The following CLSTN2 variants were observed in gnomAD, a reference collection of about 807,000 sequenced individuals.
CLSTN2 encodes the protein calsyntenin 2, also known as calsyntenin-2.
Under a neutral mutation model 101.2 loss-of-function variants are expected in CLSTN2, and 48 were observed. The ratio of observed to expected loss-of-function variants is 0.47; its 90% CI spans 0.38 to 0.60. The LOEUF (loss-of-function observed/expected upper bound fraction) is 0.60. Ranked by LOEUF, CLSTN2 falls within the 20% of genes least tolerant of loss-of-function variation. CLSTN2 has a pLI of 0.00. For synonymous variants in CLSTN2, 481 were observed against 463.6 expected (o/e 1.04, Z -0.48); for missense variants, 1,160 against 1,238.2 (o/e 0.94, Z 0.95).
rs1028335342 is a variant in CLSTN2, at chr3:140,211,319, G to T, written c.232+35246G>T. 2.7e-5 allele frequency among the ~76,000 whole-genome samples: 4 copies of T among 149,740 alleles called. No individual in the cohort carries two copies. The South Asian group carries it at 6.5e-4, about 24-fold the overall frequency. On this transcript the variant is annotated intron_variant, in intron 2 of 16. Transcript: ENST00000458420. ...CATTCCAGGGTGAATGGTTGGCAGGGATGAGTAATCAGTTCTCAATTCTCC... is the reference window on the plus strand; with the variant it reads ...CATTCCAGGGTGAATGGTTGGCAGGTATGAGTAATCAGTTCTCAATTCTCC...
intron 1 of CLSTN2, among the ~76,000 whole-genome samples, chr3:139,956,832 C>A (rs1370052435): frequency 6.6e-6 from 1 of 152,060 alleles, no homozygotes; most frequent in Non-Finnish European, 1.5e-5. Flanking sequence ...TGGTATGCAT[C>A]CTTTTGCCTC....
At chr3:140,287,037 C>G (rs2107900428) in intron 2 of CLSTN2, among the ~76,000 whole-genome samples, 1 of 152,240 alleles carries the variant, frequency 6.6e-6, no homozygotes, top group East Asian at 1.9e-4. Context: ...GCTCAAGGGT[C>G]AGCATCATGC....
chr3:140,427,142 C>T (rs1213716672), intron 5 of CLSTN2, among the ~76,000 whole-genome samples: 2 of 138,182 alleles, frequency 1.4e-5, no homozygotes, highest in Non-Finnish European at 3.0e-5. Flanking sequence ...CGCCACTGCA[C>T]TCCTGCCTGG....
At chr3:139,995,737 C>T (rs1936192710) in intron 1 of CLSTN2, among the ~76,000 whole-genome samples, 4 of 150,894 alleles carry the variant, frequency 2.7e-5, no homozygotes, top group African/African-American at 7.3e-5. Context: ...GCCATCTGTG[C>T]TCAGGGGTAA....
intron 1 of CLSTN2, among the ~76,000 whole-genome samples, chr3:140,116,918 T>A (rs192095612): frequency 6.6e-6 from 1 of 152,308 alleles, no homozygotes; most frequent in Admixed American, 6.5e-5. Flanking sequence ...GGCTCTAGTT[T>A]CCAGAATGTA....
At chr3:140,177,514 A>G (rs1236538846) in intron 2 of CLSTN2, among the ~76,000 whole-genome samples, 2 of 152,116 alleles carry the variant, frequency 1.3e-5, no homozygotes, top group Non-Finnish European at 2.9e-5. Flanking sequence ...TAGATGCCAG[A>G]TATAGTGGCT....
intron 1 of CLSTN2, among the ~76,000 whole-genome samples, chr3:140,126,939 T>C (rs2009443114): frequency 6.6e-6 from 1 of 151,742 alleles, no homozygotes; most frequent in African/African-American, 2.4e-5. Flanking sequence ...TTCCTGACAA[T>C]AGTTAAAATA....
At chr3:140,079,961 CAT>C (rs1461071066) in intron 1 of CLSTN2, among the ~76,000 whole-genome samples, 1 of 152,116 alleles carries the variant, frequency 6.6e-6, no homozygotes, top group Non-Finnish European at 1.5e-5. Context: ...GAGGAATTAA[CAT>C]ACACTAACTT....
intron 1 of CLSTN2, among the ~76,000 whole-genome samples, chr3:139,958,223 A>G (rs1436779762): frequency 6.6e-6 from 1 of 152,098 alleles, no homozygotes; most frequent in Non-Finnish European, 1.5e-5. Flanking sequence ...AGCCACCAGA[A>G]CATTTGCCCC....
At chr3:140,512,523 G>A (rs1354710633) in intron 8 of CLSTN2, among the ~76,000 whole-genome samples, 1 of 152,160 alleles carries the variant, frequency 6.6e-6, no homozygotes. Flanking sequence ...CTATAGTCTT[G>A]TAGTGTAGTT....
chr3:140,171,356 A>G (rs2010209833), intron 1 of CLSTN2, among the ~76,000 whole-genome samples: 1 of 151,968 alleles, frequency 6.6e-6, no homozygotes, highest in Non-Finnish European at 1.5e-5. Context: ...AGCAAGGCAT[A>G]TGTCCCTGCC....
At chr3:140,193,129 T>C (rs1228923635) in intron 2 of CLSTN2, among the ~76,000 whole-genome samples, 2 of 151,902 alleles carry the variant, frequency 1.3e-5, no homozygotes, top group Non-Finnish European at 2.9e-5. Flanking sequence ...ATCAGTATTA[T>C]AATTTTTGCT....
At chr3:139,959,452 G>T (rs140752153) in intron 1 of CLSTN2, among the ~76,000 whole-genome samples, 152 of 152,252 alleles carry the variant, frequency 1.0e-3, no homozygotes, top group Middle Eastern at 3.4e-3. Flanking sequence ...AGGGGGCATT[G>T]TTTCTCTTTT....
intron 1 of CLSTN2, among the ~76,000 whole-genome samples, chr3:140,091,055 G>A (rs2008772569): frequency 6.6e-6 from 1 of 152,100 alleles, no homozygotes; most frequent in Admixed American, 6.5e-5. Flanking sequence ...CGACAACTGT[G>A]TCCCCTGGGG....
chr3:139,965,485 C>CCCT (rs1935579333), intron 1 of CLSTN2, among the ~76,000 whole-genome samples: 2 of 152,148 alleles, frequency 1.3e-5, no homozygotes, highest in African/African-American at 4.8e-5. Context: ...GGGCCATGGT[C>CCCT]TCAGGGCCTC....
chr3:140,369,493 A>T (rs2087827195), intron 2 of CLSTN2, among the ~76,000 whole-genome samples: 1 of 152,192 alleles, frequency 6.6e-6, no homozygotes. Flanking sequence ...TCTTGCATGG[A>T]TGGATCCCTG....
rs565791043 is a variant in CLSTN2, at chr3:140,538,810, A to T, written c.1507+6324A>T. ...TCCAAGGAGTTCTTCATGAAGCTCC[A>T]GTCCTACAGGATACCCTTTCACAAA... On this transcript the variant is annotated intron_variant, in intron 9 of 16. Transcript: ENST00000458420. Among the ~76,000 whole-genome samples, 18 of 152,364 alleles carry T rather than the reference A, an allele frequency of 1.2e-4. 1 individual carries two copies. In the East Asian group the frequency reaches 3.5e-3, roughly 29 times the overall value.
At chr3:140,515,025 T>C (rs1934889668) in intron 8 of CLSTN2, among the ~76,000 whole-genome samples, 1 of 151,858 alleles carries the variant, frequency 6.6e-6, no homozygotes, top group Non-Finnish European at 1.5e-5. Flanking sequence ...TGTTGGCTAT[T>C]ATTTTTATGA....
chr3:140,279,365 T>C (rs1559827247), intron 2 of CLSTN2, among the ~76,000 whole-genome samples: 1 of 152,210 alleles, frequency 6.6e-6, no homozygotes, highest in Non-Finnish European at 1.5e-5. Context: ...TCTAGGGATG[T>C]GGTTCAGGCC....
Sources: gnomAD v4.1 joint callset for allele counts (sites outside exome capture counted in the v4.1 genomes callset) on GRCh38, gnomAD v4.1.1 for gene constraint, MANE v1.5 for transcripts, NCBI Gene and HGNC (gene_info 2026-07-23, HGNC 2026-07-21) for gene names.